TENM3: variants seen among roughly 807,000 people sequenced by gnomAD.
TENM3 encodes the protein teneurin transmembrane protein 3.
Under a neutral mutation model 255.1 loss-of-function variants are expected in TENM3, and 63 were observed. The observed-to-expected ratio is 0.25, with a 90% CI of 0.20 to 0.30. The LOEUF is 0.30. Among genes scored for constraint, TENM3 ranks in the 10% least tolerant of loss-of-function variants. The pLI, the probability that TENM3 is intolerant of heterozygous loss-of-function variation, is 1.00. For synonymous variants in TENM3, 1,306 were observed against 1,322.3 expected (o/e 0.99, Z 0.27); for missense variants, 2,929 against 3,461.1 (o/e 0.85, Z 3.86).
intron 1 of TENM3, among the ~76,000 whole-genome samples, chr4:182,145,508 G>T (rs1360248426): frequency 1.3e-5 from 2 of 152,170 alleles, no homozygotes; most frequent in African/African-American, 4.8e-5. Context: ...GTGTCTGATT[G>T]ATCTTTGCTG....
intron 5 of TENM3, among the ~76,000 whole-genome samples, chr4:182,652,555 TA>T: frequency 6.6e-6 from 1 of 152,180 alleles, no homozygotes; most frequent in African/African-American, 2.4e-5. Flanking sequence ...ACCTAATTTC[TA>T]ACAATATCAC....
intron 3 of TENM3, among the ~76,000 whole-genome samples, chr4:182,591,091 A>G (rs1046561301): frequency 2.2e-4 from 33 of 152,316 alleles, no homozygotes; most frequent in African/African-American, 7.5e-4. Context: ...CCTGGCATAA[A>G]GTAAACACTC....
At chr4:182,772,513 G>A (rs1764328431) in intron 22 of TENM3, 1 of 151,128 alleles carries the variant, frequency 6.6e-6, no homozygotes, top group African/African-American at 2.4e-5. Flanking sequence ...GTATATTGTG[G>A]TCCCAAGGAA....
At chr4:181,746,953 G>T in the TENM3 span, among the ~76,000 whole-genome samples, 4,383 of 151,702 alleles carry the variant, frequency 0.029, 204 homozygotes, top group African/African-American at 0.1. Flanking sequence ...CCAATTATTC[G>T]CTATTACAAA....
the TENM3 span, among the ~76,000 whole-genome samples, chr4:181,660,077 C>A: frequency 6.6e-6 from 1 of 152,136 alleles, no homozygotes; most frequent in East Asian, 1.9e-4. Context: ...GCGAGACAAC[C>A]TTTTTGGGAA....
chr4:182,392,818 AGC>A (rs1391219336), intron 3 of TENM3, among the ~76,000 whole-genome samples: 1 of 152,232 alleles, frequency 6.6e-6, no homozygotes, highest in African/African-American at 2.4e-5. Flanking sequence ...TGAGTGAGGA[AGC>A]ACTGAGAAAC....
intron 1 of TENM3, among the ~76,000 whole-genome samples, chr4:182,247,583 T>C (rs1680537849): frequency 3.3e-5 from 5 of 152,198 alleles, no homozygotes. Context: ...TACTAGATTT[T>C]AAGATTTTTC....
the TENM3 span, among the ~76,000 whole-genome samples, chr4:181,691,235 TTGTG>T: frequency 0.37 from 56,324 of 150,830 alleles, 12,703 homozygotes; most frequent in Non-Finnish European, 0.5. Flanking sequence ...AAATATGATC[TTGTG>T]TGTGTGTGTG....
At chr4:181,850,197 A>T in the TENM3 span, among the ~76,000 whole-genome samples, 3 of 150,028 alleles carry the variant, frequency 2.0e-5, no homozygotes, top group Non-Finnish European at 4.4e-5. Flanking sequence ...TACTCTCCTT[A>T]CTCTCAATTC....
At chr4:181,762,616 T>A in the TENM3 span, among the ~76,000 whole-genome samples, 1 of 152,184 alleles carries the variant, frequency 6.6e-6, no homozygotes, top group Non-Finnish European at 1.5e-5. Context: ...CTTCCTCAAC[T>A]CTTGGGTGAG....
intron 3 of TENM3, among the ~76,000 whole-genome samples, chr4:182,359,121 C>T (rs1200747340): frequency 3.3e-5 from 5 of 151,986 alleles, no homozygotes; most frequent in South Asian, 2.1e-4. Flanking sequence ...TTCGGTTTGC[C>T]GGTATTTTAT....
upstream of TENM3, among the ~76,000 whole-genome samples, chr4:182,240,362 C>T (rs1579851926): frequency 1.3e-5 from 2 of 152,232 alleles, no homozygotes; most frequent in Middle Eastern, 6.8e-3. Context: ...CACAGAAGAG[C>T]GCTCCCCACA....
At chr4:182,511,639 C>G (rs1302667352) in intron 3 of TENM3, among the ~76,000 whole-genome samples, 1 of 152,060 alleles carries the variant, frequency 6.6e-6, no homozygotes, top group African/African-American at 2.4e-5. Context: ...AGTTGTGTTG[C>G]TTTTTTCCAT....
At chr4:181,766,821 A>G in the TENM3 span, among the ~76,000 whole-genome samples, 1 of 152,082 alleles carries the variant, frequency 6.6e-6, no homozygotes, top group Admixed American at 6.5e-5. Flanking sequence ...GTAAATCAAA[A>G]CATGAGCTTA....
the TENM3 span, among the ~76,000 whole-genome samples, chr4:181,542,025 G>GT: frequency 1.1e-3 from 164 of 152,290 alleles, 1 homozygote; most frequent in Admixed American, 4.4e-3. Context: ...GACATGGCAG[G>GT]TATTCTTCTT....
chr4:181,841,835 G>T, the TENM3 span, among the ~76,000 whole-genome samples: 1 of 152,106 alleles, frequency 6.6e-6, no homozygotes, highest in African/African-American at 2.4e-5. Flanking sequence ...ACCATGGAAA[G>T]AATCCAAACA....
chr4:182,089,963 A>T, the TENM3 span, among the ~76,000 whole-genome samples: 1 of 152,348 alleles, frequency 6.6e-6, no homozygotes, highest in East Asian at 1.9e-4. Flanking sequence ...CATATTCACA[A>T]AGCCAATGTT....
chr4:182,098,174 C>T, the TENM3 span, among the ~76,000 whole-genome samples: 9,777 of 152,072 alleles, frequency 0.064, 442 homozygotes, highest in East Asian at 0.22. Context: ...ATCAAAAAGA[C>T]GAATAATAAC....
At chr4:182,142,361 A>G (rs907976995), upstream of TENM3, 1 of 163,008 alleles carries the variant, frequency 6.1e-6, no homozygotes, top group African/African-American at 2.4e-5. Context: ...GCGCTCGGGC[A>G]CTTAGCAACT....
Sources: gnomAD v4.1 joint callset for allele counts (sites outside exome capture counted in the v4.1 genomes callset) on GRCh38, gnomAD v4.1.1 for gene constraint, MANE v1.5 for transcripts, NCBI Gene and HGNC (gene_info 2026-07-23, HGNC 2026-07-21) for gene names.